Variants in TNS4 observed in about 807,000 individuals in gnomAD.
TNS4 encodes tensin 4.
TNS4 carries 46 observed loss-of-function variants against 70.4 expected under a neutral mutation model. That is an observed-to-expected ratio of 0.65 (90% confidence interval 0.52 to 0.84). The LOEUF is 0.84. TNS4 is among the 40% of genes least tolerant of loss of function. TNS4 has a pLI of 0.00. For synonymous variants in TNS4, 390 were observed against 366.6 expected (o/e 1.06, Z -0.73); for missense variants, 863 against 907.0 (o/e 0.95, Z 0.62).
chr17:40,499,447 C>T (rs559164376), intron 1 of TNS4, among the ~76,000 whole-genome samples: 228 of 152,276 alleles, frequency 1.5e-3, no homozygotes, highest in Non-Finnish European at 3.0e-3. Context: ...GTCTGCGGCT[C>T]GTCCTGCTAC....
In TNS4 at chr17:40,496,352, C is replaced by T. The variant is rs866858463; in HGVS notation, c.74G>A (p.Arg25Lys). 1 of 1,613,574 alleles carries T rather than the reference C, an allele frequency of 6.2e-7. No homozygotes were observed. The highest frequency in any genetic ancestry group is 8.5e-7 in the Non-Finnish European group (1 of 1,179,930). The part of the protein sequence containing the change: ...AVSLAPCDEP[R>K]RTLHPAPSPS... ...GCTGGGTGCTGGGTGCAGGGTCCTC[C>T]TGGGCTCATCACAAGGCGCCAAGCT... The change falls in exon 2 of 13, where the codon AGG (arginine) becomes AAG (lysine). Residue 25 changes from arginine (R) to lysine (K), a missense_variant. Coordinates refer to ENST00000254051, the MANE Select transcript of TNS4 (RefSeq NM_032865.6).
intron 2 of TNS4, among the ~76,000 whole-genome samples, chr17:40,491,887 G>A (rs2036073413): frequency 1.3e-5 from 2 of 152,172 alleles, no homozygotes; most frequent in Non-Finnish European, 2.9e-5. Flanking sequence ...CCCTTCACTT[G>A]GGGCGGGTAA....
At chr17:40,496,862 T>C (rs2036152360) in intron 1 of TNS4, among the ~76,000 whole-genome samples, 1 of 152,252 alleles carries the variant, frequency 6.6e-6, no homozygotes, top group Admixed American at 6.5e-5. Flanking sequence ...GTGTGTTTAT[T>C]AAGTAAATAC....
chr17:40,492,330 A>C (rs536458060), intron 2 of TNS4, among the ~76,000 whole-genome samples: 1 of 151,326 alleles, frequency 6.6e-6, no homozygotes, highest in Non-Finnish European at 1.5e-5. Context: ...GGTTTCCACT[A>C]TTTCCTTCAA....
chr17:40,496,257 CG>C lies in TNS4; in HGVS notation c.168del (p.Val57CysfsTer52). ...CGGCCAGGGGGCCCCATGCAGGGCACGGGGGCCATCAGGGCCTGGGCTCCCC... is the reference window on the plus strand; with the variant it reads ...CGGCCAGGGGGCCCCATGCAGGGCACGGGGCCATCAGGGCCTGGGCTCCCC... ...EGWGAQALMAPVPCMGPPGRL... is the reference protein window; with the variant it reads ...EGWGAQALMAXVPCMGPPGRL... On this transcript the variant is annotated frameshift_variant, in exon 2 of 13. Transcript: ENST00000254051. LOFTEE classifies it high-confidence loss of function. 1.2e-6 allele frequency: 2 copies of C among 1,603,242 alleles called. No individual in the cohort carries two copies. Among genetic ancestry groups the C allele is most frequent in the Non-Finnish European group, 1.7e-6 (2 of 1,175,064 alleles).
chr17:40,491,295 T>G (rs910721546), intron 2 of TNS4, among the ~76,000 whole-genome samples: 1 of 151,888 alleles, frequency 6.6e-6, no homozygotes, highest in Non-Finnish European at 1.5e-5. Flanking sequence ...CTTTATTGAG[T>G]GCAATGTGCC....
Position 40,496,063 on chromosome 17 carries a change from T to A in TNS4, c.363A>T (p.Pro121=). 6.2e-7 allele frequency: 1 copy of A among 1,613,282 alleles called. No individual in the cohort carries two copies. Among genetic ancestry groups the A allele is most frequent in the East Asian group, 2.2e-5 (1 of 44,842 alleles). Reference sequence around the variant, plus strand: ...GCTCAGCCTGGGAGCCCCCAGTCCCTGGGGGAAGCAGCTGGAAGGTGGGGT... The same window carrying A: ...GCTCAGCCTGGGAGCCCCCAGTCCCAGGGGGAAGCAGCTGGAAGGTGGGGT... ...ELDPTFQLLP[P]GTGGSQAELA... is the part of the protein sequence containing the mutation. The change falls in exon 2 of 13, where the codon CCA becomes CCT. Residue 121 remains proline, a synonymous_variant. Coordinates refer to ENST00000254051, the MANE Select transcript of TNS4 (RefSeq NM_032865.6).
chr17:40,492,604 T>G (rs973940793), intron 2 of TNS4, among the ~76,000 whole-genome samples: 5 of 140,908 alleles, frequency 3.5e-5, no homozygotes, highest in Non-Finnish European at 7.9e-5. Context: ...AGTTTTTTTT[T>G]TTTTTTTTTG....
At chr17:40,485,921 T>C (rs1013557) in intron 4 of TNS4, among the ~76,000 whole-genome samples, 1 of 152,220 alleles carries the variant, frequency 6.6e-6, no homozygotes, top group South Asian at 2.1e-4. Flanking sequence ...GAAGTGTCAT[T>C]TTCTCCTGCT....
In TNS4 at chr17:40,496,540, G is replaced by T; in HGVS notation, c.-95-20C>A. ...CAGGATCTGAAAGAGTCCAAGAGTG[G>T]GAACGGAGTAATTTCTGTAGGTGAA... On this transcript the variant is annotated intron_variant, in intron 1 of 12. Transcript: ENST00000254051. The T allele has an allele frequency of 9.0e-7, 1 of 1,116,134 alleles. No homozygotes were observed. Among genetic ancestry groups the T allele is most frequent in the Non-Finnish European group, 1.2e-6 (1 of 810,748 alleles). The allele number at this position is 1,116,134 out of a possible 1,614,324, so 69.1% of individuals were successfully genotyped here. A position where few individuals can be genotyped will look rare whatever the true frequency, so the allele number is the denominator to read the frequency against.
chr17:40,485,128 A>T, intron 4 of TNS4, 121 bp from the exon 5 acceptor site: 1 of 795,672 alleles, frequency 1.3e-6, no homozygotes, highest in Non-Finnish European at 2.0e-6. Context: ...TTCAACCACC[A>T]TCCCAGACCC....
intron 2 of TNS4, among the ~76,000 whole-genome samples, chr17:40,490,208 G>A (rs925498261): frequency 2.6e-5 from 4 of 152,260 alleles, no homozygotes; most frequent in Non-Finnish European, 5.9e-5. Context: ...GGCTGCCGAC[G>A]CGCTCCAGCG....
Position 40,488,617 on chromosome 17 carries a change from G to A in TNS4, c.792C>T (p.Ala264=). 6.6e-7 allele frequency: 1 copy of A among 1,520,512 alleles called. No homozygotes were observed. Among genetic ancestry groups the A allele is most frequent in the Non-Finnish European group, 8.8e-7 (1 of 1,134,728 alleles). The allele number at this position is 1,520,512 out of a possible 1,614,324, so 94.2% of individuals were successfully genotyped here. The change falls in exon 3 of 13, where the codon GCC becomes GCT. Residue 264 remains alanine (A), a synonymous_variant. Transcript: ENST00000254051. ...CAGAGATCCTGCTGCCCCGCTGTGG[G>A]GCCAGGCCTCCCAGCCGCTTCTCCA... ...PRLEKRLGGL[A]PQRGSRISVL...
chr17:40,484,698 C>A, intron 5 of TNS4, 89 bp from the exon 6 acceptor site: 1 of 1,560,882 alleles, frequency 6.4e-7, no homozygotes, highest in Non-Finnish European at 8.7e-7. Context: ...GCAGATGTTA[C>A]AGAGTCACCT....
Position 40,479,783 on chromosome 17 carries a change from C to T in TNS4, c.1801G>A (p.Val601Met), listed in dbSNP as rs138638819. The T allele has an allele frequency of 9.2e-5, 149 of 1,613,958 alleles. No individual in the cohort carries two copies. In the African/African-American group the frequency reaches 1.1e-3, roughly 12 times the overall value. The change falls in exon 10 of 13, where the codon GTG (valine) becomes ATG (methionine). Residue 601 changes from valine (V) to methionine (M), a missense_variant. Transcript: ENST00000254051. Reference sequence around the variant, plus strand: ...AAGGTGGTGGAGATGGCTTTCTGCACGGCCAGGGCTCCAGTCAGGGTCTCC... The same window carrying T: ...AAGGTGGTGGAGATGGCTTTCTGCATGGCCAGGGCTCCAGTCAGGGTCTCC... ...SVETLTGALAVQKAISTTFER... is the reference protein window; with the variant it reads ...SVETLTGALAMQKAISTTFER...
chr17:40,487,128 T>C lies in TNS4; in HGVS notation c.1196A>G (p.Gln399Arg), dbSNP rs2035999329. The C allele has an allele frequency of 2.5e-6, 4 of 1,614,122 alleles. No individual in the cohort carries two copies. The highest frequency in any genetic ancestry group is 3.4e-6 in the Non-Finnish European group (4 of 1,180,060). The change falls in exon 4 of 13, where the codon CAA becomes CGA. Residue 399 changes from glutamine (Q) to arginine (R), a missense_variant. Gln to Arg is a conservative substitution (Grantham distance 43, BLOSUM62 1). Coordinates refer to ENST00000254051, the MANE Select transcript of TNS4 (RefSeq NM_032865.6). ...GTTGCTGGGAGAAGCAGCTCCAGGT[T>C]GAACGGAGTTCTGGTGTCCTGGGGT... ...QRTPGHQNSV[Q>R]PGAASPSNPC... is the part of the protein sequence containing the mutation.
At chr17:40,500,098 G>T (rs2036193098) in intron 1 of TNS4, among the ~76,000 whole-genome samples, 1 of 152,208 alleles carries the variant, frequency 6.6e-6, no homozygotes, top group South Asian at 2.1e-4. Flanking sequence ...TGAGGAATTT[G>T]CCCAAGGTCA....
chr17:40,480,734 T>C lies in TNS4; in HGVS notation c.1707A>G (p.Thr569=), dbSNP rs763224924. 6.9e-6 allele frequency: 11 copies of C among 1,591,208 alleles called. No individual in the cohort carries two copies. The highest frequency in any genetic ancestry group is 9.4e-6 in the Non-Finnish European group (11 of 1,171,294). ...TCTTCTGGCAGGAGGCTGGGCTGTC[T>C]GTAGAGTCCGAGGCCCCATCTGCAC... is the stretch of plus-strand genomic sequence containing the variant. ...LGGADGASDS[T]DSPASCQKKS... is the part of the protein sequence containing the mutation. Residue 569 remains threonine, a synonymous_variant, in exon 9 of 13, where the codon ACA becomes ACG. Transcript: ENST00000254051.
chr17:40,488,834 C>CG lies in TNS4; in HGVS notation c.574dup (p.Arg192ProfsTer8). The CG allele has an allele frequency of 6.2e-7, 1 of 1,613,034 alleles. No homozygotes were observed. Among genetic ancestry groups the CG allele is most frequent in the Non-Finnish European group, 8.5e-7 (1 of 1,179,860 alleles). On this transcript the variant is annotated frameshift_variant, in exon 3 of 13. Transcript: ENST00000254051. LOFTEE classifies it high-confidence loss of function. ...GCTCTCACTGCTGCTTCGTGTCTCT[C>CG]GGGGGACGTCTCTGGAAAGGAGGAG...
Sources: allele counts gnomAD v4.1 joint callset (sites outside exome capture counted in the v4.1 genomes callset), GRCh38; gene constraint gnomAD v4.1.1; transcripts MANE v1.5; gene names NCBI Gene and HGNC (gene_info 2026-07-23, HGNC 2026-07-21).